DENND5B: variants seen among roughly 807,000 people sequenced by gnomAD.
DENND5B encodes DENN domain containing 5B.
DENND5B carries 34 observed loss-of-function variants against 140.6 expected under a neutral mutation model. That is an observed-to-expected ratio of 0.24 (90% confidence interval 0.18 to 0.32). The LOEUF (loss-of-function observed/expected upper bound fraction) is 0.32. DENND5B is among the 10% of genes least tolerant of loss of function. The probability of loss-of-function intolerance (pLI) is 1.00; values close to 1 mark genes in which losing one functional copy is unlikely to be tolerated. For synonymous variants in DENND5B, 551 were observed against 562.1 expected, an observed-to-expected ratio of 0.98 and a Z score of 0.28; for missense variants, 1,142 against 1,560.2, an observed-to-expected ratio of 0.73 and a Z score of 4.52.
At chr12:31,498,013 T>C (rs931420362) in intron 1 of DENND5B, among the ~76,000 whole-genome samples, 1 of 151,674 alleles carries the variant, frequency 6.6e-6, no homozygotes, top group Non-Finnish European at 1.5e-5. Context: ...GAAAGATAGA[T>C]TGATTTTTTA....
chr12:31,392,590 C>T (rs781061273), intron 18 of DENND5B, 24 bp downstream of exon 18: 144 of 1,548,866 alleles, frequency 9.3e-5, no homozygotes, highest in Non-Finnish European at 1.2e-4. Flanking sequence ...TCCCACTATA[C>T]TAAGTTTTAT....
intron 1 of DENND5B, among the ~76,000 whole-genome samples, chr12:31,533,245 T>C (rs1948350396): frequency 6.6e-6 from 1 of 151,902 alleles, no homozygotes; most frequent in African/African-American, 2.4e-5. Flanking sequence ...ATTGAAAATA[T>C]TTGAAGAAAA....
intron 1 of DENND5B, among the ~76,000 whole-genome samples, chr12:31,586,126 A>C (rs1390245432): frequency 6.6e-6 from 1 of 152,190 alleles, no homozygotes; most frequent in East Asian, 1.9e-4. Flanking sequence ...ACTGCTGTAA[A>C]TTAAGCCATG....
rs550427381 is a variant in DENND5B, at chr12:31,589,136, C to T, written c.127+1570G>A. Among the ~76,000 whole-genome samples, 44 of 152,310 alleles carry T rather than the reference C, an allele frequency of 2.9e-4. 1 individual carries two copies. The highest frequency in any genetic ancestry group is 1.0e-3 in the African/African-American group (43 of 41,558). On this transcript the variant is annotated intron_variant, in intron 1 of 20. Transcript: ENST00000389082. ...GCTTTTTTCCTTTCATTAGTCATCA[C>T]TGACAGAAGGCCTCCAAGTGACCCT...
intron 1 of DENND5B, among the ~76,000 whole-genome samples, chr12:31,547,023 G>A (rs1948886838): frequency 6.6e-6 from 1 of 152,128 alleles, no homozygotes; most frequent in African/African-American, 2.4e-5. Context: ...TCTCTTTCCA[G>A]CAAATATGCT....
In DENND5B at chr12:31,487,042, A is replaced by G. The variant is rs192551297; in HGVS notation, c.238-6787T>C. 3.3e-3 allele frequency among the ~76,000 whole-genome samples: 507 copies of G among 152,368 alleles called. 4 individuals carry two copies. The highest frequency in any genetic ancestry group is 5.2e-3 in the Non-Finnish European group (355 of 68,040). On this transcript the variant is annotated intron_variant, in intron 2 of 20. Coordinates refer to ENST00000389082, the MANE Select transcript of DENND5B (RefSeq NM_144973.4). ...ATGGAATAATATACCATTTGGGGCC[A>G]TAACAGGTGGTGACTGATAACATGG... is the stretch of plus-strand genomic sequence containing the variant.
intron 1 of DENND5B, among the ~76,000 whole-genome samples, chr12:31,587,827 G>A (rs1310670887): frequency 3.3e-5 from 5 of 152,022 alleles, no homozygotes; most frequent in Admixed American, 2.0e-4. Flanking sequence ...GATTATAGGC[G>A]TGAGCCACAG....
intron 7 of DENND5B, among the ~76,000 whole-genome samples, chr12:31,433,639 A>G (rs1943615671): frequency 6.6e-6 from 1 of 152,194 alleles, no homozygotes; most frequent in African/African-American, 2.4e-5. Flanking sequence ...ATTTTTTAAT[A>G]CAAAGAATAT....
At position 31,413,514 on chromosome 12, in the gene DENND5B, G is replaced by C. The variant is rs1942574126; in HGVS notation, c.2603C>G (p.Ala868Gly). ...CTTTTCTAGAGACAGTCTTATCCAC[G>C]CCCGAGCTCGTCCAACATCAGTCTT... ...EIKTDVGRARAWIRLSLEKKL... is the reference protein window; with the variant it reads ...EIKTDVGRARGWIRLSLEKKL... Residue 868 changes from alanine to glycine, a missense_variant, in exon 13 of 21, where the codon GCG (alanine) becomes GGG (glycine). Transcript: ENST00000389082. 3 of 1,613,698 alleles carry C rather than the reference G, an allele frequency of 1.9e-6. No homozygotes were observed. The South Asian group carries it at 3.3e-5, about 18-fold the overall frequency.
intron 4 of DENND5B, among the ~76,000 whole-genome samples, chr12:31,453,297 G>A (rs1342682215): frequency 1.4e-5 from 2 of 148,070 alleles, no homozygotes; most frequent in Non-Finnish European, 3.1e-5. Context: ...TAGAAGAGGT[G>A]ACAGAAATCA....
intron 1 of DENND5B, among the ~76,000 whole-genome samples, chr12:31,536,428 C>T (rs1565673874): frequency 2.0e-5 from 3 of 151,852 alleles, no homozygotes; most frequent in Non-Finnish European, 4.4e-5. Context: ...ATGCAACTGA[C>T]ATATTGAAGA....
At chr12:31,431,272 C>G (rs1439494145) in intron 8 of DENND5B, among the ~76,000 whole-genome samples, 1 of 152,182 alleles carries the variant, frequency 6.6e-6, no homozygotes, top group Non-Finnish European at 1.5e-5. Flanking sequence ...TAGCCCTTTA[C>G]AAGTTGGTGT....
chr12:31,392,254 C>T lies in DENND5B; in HGVS notation c.3466+13G>A. 6.2e-7 allele frequency: 1 copy of T among 1,613,352 alleles called. No individual in the cohort carries two copies. Among genetic ancestry groups the T allele is most frequent in the African/African-American group, 1.3e-5 (1 of 75,006 alleles). ...TCAGTGACCTTAATGTAATACACATCTACTTTATTTACCTATGAAGTCCCA... is the reference window on the plus strand; with the variant it reads ...TCAGTGACCTTAATGTAATACACATTTACTTTATTTACCTATGAAGTCCCA... On this transcript the variant is annotated intron_variant, in intron 19 of 20. Transcript: ENST00000389082.
chr12:31,428,733 ATTAT>A (rs1332708852), intron 8 of DENND5B, among the ~76,000 whole-genome samples: 7 of 150,882 alleles, frequency 4.6e-5, no homozygotes, highest in South Asian at 2.1e-4. Flanking sequence ...TGCCCGGCTA[ATTAT>A]TTATTTATTT....
chr12:31,425,098 G>A (rs1007966057), intron 9 of DENND5B, among the ~76,000 whole-genome samples: 14 of 152,188 alleles, frequency 9.2e-5, no homozygotes, highest in African/African-American at 2.2e-4. Flanking sequence ...GGATCACCTG[G>A]GGTCAGGAGT....
intron 3 of DENND5B, chr12:31,465,823 GAAGT>G (rs986828585): frequency 9.2e-5 from 14 of 152,518 alleles, no homozygotes; most frequent in African/African-American, 2.9e-4. Flanking sequence ...GGCAGCTCCT[GAAGT>G]AAGAGCAAAG....
intron 15 of DENND5B, among the ~76,000 whole-genome samples, chr12:31,400,847 T>G (rs1021815574): frequency 1.5e-4 from 3 of 20,248 alleles, no homozygotes; most frequent in African/African-American, 2.2e-4. Context: ...GTTTTTTTTT[T>G]TTGTTTTTTT....
At chr12:31,414,001 T>C (rs1042290626) in intron 12 of DENND5B, among the ~76,000 whole-genome samples, 2 of 152,256 alleles carry the variant, frequency 1.3e-5, no homozygotes, top group East Asian at 1.9e-4. Flanking sequence ...ACTTTTCAAG[T>C]TGCACTGGAC....
At chr12:31,448,023 A>C (rs1261037424) in intron 5 of DENND5B, among the ~76,000 whole-genome samples, 1 of 151,908 alleles carries the variant, frequency 6.6e-6, no homozygotes, top group Non-Finnish European at 1.5e-5. Context: ...ATTATGTAGC[A>C]AAGAGGGCAT....
Sources: allele counts gnomAD v4.1 joint callset (sites outside exome capture counted in the v4.1 genomes callset), GRCh38; gene constraint gnomAD v4.1.1; transcripts MANE v1.5; gene names NCBI Gene and HGNC (gene_info 2026-07-23, HGNC 2026-07-21).